Variants in DTWD2 observed in about 807,000 individuals in gnomAD.
DTWD2 encodes DTW motif tRNA-uridine aminocarboxypropyltransferase 2, also known as tRNA-uridine aminocarboxypropyltransferase 2.
DTWD2 carries 39 observed loss-of-function variants against 31.8 expected under a neutral mutation model. That is an observed-to-expected ratio of 1.22 (90% CI 0.95 to 1.60). DTWD2 has a LOEUF of 1.60. DTWD2 is among the 40% of genes most tolerant of loss of function. DTWD2 has a pLI of 0.00. For synonymous variants in DTWD2, 180 were observed against 142.8 expected (o/e 1.26, Z -1.86); for missense variants, 515 against 381.5 (o/e 1.35, Z -2.92).
intron 1 of DTWD2, among the ~76,000 whole-genome samples, chr5:118,981,545 A>AG (rs1755300951): frequency 1.8e-5 from 2 of 109,632 alleles, no homozygotes; most frequent in South Asian, 3.8e-4. Flanking sequence ...TAAACTCAGC[A>AG]GAAAAAAAAA....
intron 4 of DTWD2, among the ~76,000 whole-genome samples, chr5:118,851,775 C>T (rs560270688): frequency 6.0e-5 from 9 of 149,944 alleles, no homozygotes; most frequent in Admixed American, 1.3e-4. Flanking sequence ...ACCAACATGG[C>T]ACATGTATAC....
intron 4 of DTWD2, among the ~76,000 whole-genome samples, chr5:118,850,995 C>T (rs1195367120): frequency 1.3e-5 from 2 of 151,974 alleles, no homozygotes; most frequent in African/African-American, 4.8e-5. Context: ...GCCTGCAATC[C>T]CAGCACTTTC....
At chr5:118,975,690 G>C (rs1437249619) in intron 1 of DTWD2, among the ~76,000 whole-genome samples, 1 of 151,988 alleles carries the variant, frequency 6.6e-6, no homozygotes, top group Non-Finnish European at 1.5e-5. Context: ...TTTGACGCTG[G>C]TGACCTTTGG....
In DTWD2 at chr5:118,928,592, C is replaced by T; in HGVS notation, c.542G>A (p.Trp181Ter). Residue 181 changes from tryptophan to a stop codon, truncating the protein, a stop_gained, in exon 4 of 6, where the codon TGG (tryptophan) becomes TAG (stop). Coordinates refer to ENST00000510708, the MANE Select transcript of DTWD2 (RefSeq NM_173666.4). LOFTEE classifies it high-confidence loss of function. ...PSTIIIIDGTWSQAKDIFYKN... is the reference protein window; with the variant it reads ...PSTIIIIDGT Reference sequence around the variant, plus strand: ...ATAGAAAATGTCCTTAGCCTGGCTCCATGTACCATCAATGATGATGATTGT... The same window carrying T: ...ATAGAAAATGTCCTTAGCCTGGCTCTATGTACCATCAATGATGATGATTGT... The T allele has an allele frequency of 6.3e-7, 1 of 1,588,236 alleles. No homozygotes were observed. Among genetic ancestry groups the T allele is most frequent in the Non-Finnish European group, 8.6e-7 (1 of 1,167,530 alleles).
rs780997971 is a variant in DTWD2, at chr5:118,928,737, A to C, written c.405-8T>G. 1.3e-6 allele frequency: 2 copies of C among 1,522,120 alleles called. No homozygotes were observed. Among genetic ancestry groups the C allele is most frequent in the Admixed American group, 2.1e-5 (1 of 47,368 alleles). The allele number at this position is 1,522,120 out of a possible 1,614,324, so 94.3% of individuals were successfully genotyped here. The stretch of plus-strand genomic sequence containing the variant: ...GTTGAAAGTTCAGGATCTCTGAAAA[A>C]GTTTTTTAAAAATATATCTTTATTA... On this transcript the variant is annotated splice_polypyrimidine_tract_variant and splice_region_variant and intron_variant, in intron 3 of 5. Transcript: ENST00000510708.
chr5:118,891,813 TAAG>T (rs1274072596), intron 4 of DTWD2, among the ~76,000 whole-genome samples: 5 of 152,186 alleles, frequency 3.3e-5, no homozygotes, highest in Non-Finnish European at 7.4e-5. Flanking sequence ...TGAGGATAAC[TAAG>T]AAACTACTAG....
intron 4 of DTWD2, among the ~76,000 whole-genome samples, chr5:118,898,378 C>T (rs1033835831): frequency 6.6e-6 from 1 of 151,796 alleles, no homozygotes; most frequent in East Asian, 1.9e-4. Flanking sequence ...AATTTTATGG[C>T]CGAGCACAGT....
intron 1 of DTWD2, among the ~76,000 whole-genome samples, chr5:118,961,733 T>C: frequency 6.6e-6 from 1 of 152,218 alleles, no homozygotes. Flanking sequence ...AAACTGTCTA[T>C]ATTTTAAAAC....
chr5:118,890,368 A>T (rs1752951356), intron 4 of DTWD2, among the ~76,000 whole-genome samples: 1 of 152,160 alleles, frequency 6.6e-6, no homozygotes, highest in Non-Finnish European at 1.5e-5. Context: ...CTTAGATTTT[A>T]AATTAATTCA....
chr5:118,966,073 C>T (rs1754840479), intron 1 of DTWD2, among the ~76,000 whole-genome samples: 1 of 151,800 alleles, frequency 6.6e-6, no homozygotes, highest in African/African-American at 2.4e-5. Flanking sequence ...TCTTGAGAAA[C>T]TCATAAAGAT....
Position 118,838,411 on chromosome 5 carries a change from A to C in DTWD2, c.*2506T>G, listed in dbSNP as rs887390793. ...TTCCAGGAAAAATCAAGCAAATATA[A>C]AGAATCTGAATTTAAAAGCCAACTA... On this transcript the variant is annotated 3_prime_UTR_variant, in exon 6 of 6. Transcript: ENST00000510708. 5 of 152,346 alleles carry C rather than the reference A, an allele frequency of 3.3e-5. No individual in the cohort carries two copies. Among genetic ancestry groups the C allele is most frequent in the Admixed American group, 1.3e-4 (2 of 15,310 alleles). 9.4% of individuals were successfully genotyped at this position (152,346 alleles called of 1,614,324 possible).
chr5:118,873,681 T>A (rs1197498966), intron 4 of DTWD2, among the ~76,000 whole-genome samples: 1 of 152,220 alleles, frequency 6.6e-6, no homozygotes, highest in Non-Finnish European at 1.5e-5. Context: ...ACAGCCAGCA[T>A]GGCCCGCTTT....
intron 4 of DTWD2, among the ~76,000 whole-genome samples, chr5:118,916,254 T>C (rs1013954018): frequency 2.0e-5 from 3 of 152,244 alleles, no homozygotes; most frequent in Non-Finnish European, 2.9e-5. Context: ...TACCGTCACA[T>C]TTTATCTAAA....
chr5:118,967,183 G>A (rs915135353), intron 1 of DTWD2, among the ~76,000 whole-genome samples: 6 of 152,106 alleles, frequency 3.9e-5, no homozygotes, highest in African/African-American at 1.4e-4. Flanking sequence ...ATTTCTTACT[G>A]TCAAAGAAAT....
At chr5:118,850,392 C>G (rs1387630782) in intron 4 of DTWD2, among the ~76,000 whole-genome samples, 1 of 129,724 alleles carries the variant, frequency 7.7e-6, no homozygotes, top group Non-Finnish European at 1.6e-5. Flanking sequence ...GCAGGAGAAT[C>G]ACTTGAGCTC....
intron 4 of DTWD2, among the ~76,000 whole-genome samples, chr5:118,870,760 T>C (rs1349547570): frequency 6.6e-6 from 1 of 152,084 alleles, no homozygotes; most frequent in Non-Finnish European, 1.5e-5. Flanking sequence ...GTTTGCTGCA[T>C]CAATGGACTC....
intron 1 of DTWD2, among the ~76,000 whole-genome samples, chr5:118,969,437 G>T (rs1754931785): frequency 6.6e-6 from 1 of 152,168 alleles, no homozygotes; most frequent in African/African-American, 2.4e-5. Context: ...GCCAACATCT[G>T]TTCAGTGTGC....
chr5:118,882,177 C>T (rs753796959), intron 4 of DTWD2, among the ~76,000 whole-genome samples: 10 of 152,110 alleles, frequency 6.6e-5, no homozygotes, highest in African/African-American at 1.4e-4. Context: ...GACCACAGGC[C>T]GCATGCAAGT....
At chr5:118,913,858 C>T (rs1189747068) in intron 4 of DTWD2, among the ~76,000 whole-genome samples, 2 of 151,948 alleles carry the variant, frequency 1.3e-5, no homozygotes, top group Non-Finnish European at 2.9e-5. Context: ...TGATAAAATA[C>T]AACTAACAAA....
Sources: allele counts gnomAD v4.1 joint callset (sites outside exome capture counted in the v4.1 genomes callset), GRCh38; gene constraint gnomAD v4.1.1; transcripts MANE v1.5; gene names NCBI Gene and HGNC (gene_info 2026-07-23, HGNC 2026-07-21).